Variants in RPS18 observed in about 807,000 individuals in gnomAD.
The protein encoded by RPS18 is small ribosomal subunit protein uS13.
For synonymous variants in RPS18, 64 were observed against 70.9 expected, an observed-to-expected ratio of 0.90 and a Z score of 0.49; for missense variants, 49 against 200.8, an observed-to-expected ratio of 0.24 and a Z score of 4.57.
In RPS18 at chr6:33,276,222, G is replaced by A. The variant is rs769895967; in HGVS notation, c.338G>A (p.Arg113Gln). 5 of 1,614,020 alleles carry A rather than the reference G, an allele frequency of 3.1e-6. No homozygotes were observed. The highest frequency in any genetic ancestry group is 3.4e-6 in the Non-Finnish European group (4 of 1,180,038). The stretch of plus-strand genomic sequence containing the variant: ...AACAAGCTCCGTGAAGACCTGGAGC[G>A]ACTGAAGAAGATTCGGGCCCATAGA... ...LDNKLREDLE[R>Q]LKKIRAHRGL... The change falls in exon 5 of 6, where the codon CGA becomes CAA. Residue 113 changes from arginine to glutamine, a missense_variant. Coordinates refer to ENST00000439602, the MANE Select transcript of RPS18 (RefSeq NM_022551.3).
intron 2 of RPS18, among the ~76,000 whole-genome samples, chr6:33,274,812 G>A (rs1765517478): frequency 6.6e-6 from 1 of 152,066 alleles, no homozygotes; most frequent in South Asian, 2.1e-4. Context: ...TCCAAATAGG[G>A]CCACATTCTG....
Position 33,272,859 on chromosome 6 carries a change from A to T in RPS18, c.102+133A>T, listed in dbSNP as rs1765327128. 23 of 681,906 alleles carry T rather than the reference A, an allele frequency of 3.4e-5. No individual in the cohort carries two copies. In the South Asian group the frequency reaches 3.6e-4, roughly 11 times the overall value. 42.2% of individuals were successfully genotyped at this position (681,906 alleles called of 1,614,324 possible). A position where few individuals can be genotyped will look rare whatever the true frequency, so the allele number is the denominator to read the frequency against. On this transcript the variant is annotated intron_variant, in intron 2 of 5. Coordinates refer to ENST00000439602, the MANE Select transcript of RPS18 (RefSeq NM_022551.3). ...CTTGACTGCTGGATTAAGAAAAGAA[A>T]GTGGTTTAGGGAGAGACTGACCCCT... is the stretch of plus-strand genomic sequence containing the variant.
In RPS18 at chr6:33,276,430, C is replaced by T. The variant is rs1268976313; in HGVS notation, c.423C>T (p.Arg141=). 1 of 1,613,958 alleles carries T rather than the reference C, an allele frequency of 6.2e-7. No homozygotes were observed. The highest frequency in any genetic ancestry group is 8.5e-7 in the Non-Finnish European group (1 of 1,179,948). ...VRGQHTKTTG[R]RGRTVGVSKK... is the part of the protein sequence containing the mutation. ...GCCAGCACACCAAGACCACTGGCCG[C>T]CGTGGCCGCACCGTGGGTGTGTCCA... is the stretch of plus-strand genomic sequence containing the variant. Residue 141 remains arginine (R), a synonymous_variant, in exon 6 of 6, where the codon CGC becomes CGT. Transcript: ENST00000439602.
chr6:33,274,281 G>A (rs942778016), intron 2 of RPS18, among the ~76,000 whole-genome samples: 3 of 152,108 alleles, frequency 2.0e-5, no homozygotes, highest in African/African-American at 4.8e-5. Flanking sequence ...CTGCAGCCTC[G>A]ACCTCCAGGG....
intron 2 of RPS18, among the ~76,000 whole-genome samples, chr6:33,272,983 G>A (rs1342577495): frequency 6.6e-6 from 1 of 152,204 alleles, no homozygotes; most frequent in African/African-American, 2.4e-5. Context: ...AGGTATGGTT[G>A]CTCACCCGAA....
Position 33,272,114 on chromosome 6 carries a change from G to T in RPS18, c.-6G>T. The T allele has an allele frequency of 6.4e-7, 1 of 1,568,154 alleles. No homozygotes were observed. Among genetic ancestry groups the T allele is most frequent in the Non-Finnish European group, 8.6e-7 (1 of 1,156,376 alleles). ...AGGCCTACACGCCGCCGCTTGTGCTGCAGCCATGGTAAGACTGGAATCCGT... is the reference window on the plus strand; with the variant it reads ...AGGCCTACACGCCGCCGCTTGTGCTTCAGCCATGGTAAGACTGGAATCCGT... On this transcript the variant is annotated 5_prime_UTR_variant, in exon 1 of 6. Coordinates refer to ENST00000439602, the MANE Select transcript of RPS18 (RefSeq NM_022551.3).
chr6:33,276,097 GA>G, intron 4 of RPS18, 31 bp downstream of exon 4: 1 of 1,606,864 alleles, frequency 6.2e-7, no homozygotes, highest in Non-Finnish European at 8.5e-7. Context: ...AGGATTAGAG[GA>G]AGGGTGGAGG....
rs1202076232 is a variant in RPS18, at chr6:33,272,138, G to C, written c.3+16G>C. The C allele has an allele frequency of 6.4e-7, 1 of 1,562,242 alleles. No homozygotes were observed. The highest frequency in any genetic ancestry group is 1.4e-5 in the African/African-American group (1 of 73,618). ...TGCAGCCATGGTAAGACTGGAATCC[G>C]TGCCGTGATCCAGCGGCATCGCAGC... On this transcript the variant is annotated intron_variant, in intron 1 of 5. Transcript: ENST00000439602.
At position 33,276,190 on chromosome 6, in the gene RPS18, T is replaced by A; in HGVS notation, c.306T>A (p.Gly102=). The change falls in exon 5 of 6, where the codon GGT becomes GGA. Residue 102 remains glycine, a synonymous_variant. Coordinates refer to ENST00000439602, the MANE Select transcript of RPS18 (RefSeq NM_022551.3). ...TCTGAATCCAGGTCCTAGCCAATGG[T>A]CTGGACAACAAGCTCCGTGAAGACC... is the stretch of plus-strand genomic sequence containing the variant. The part of the protein sequence containing the change: ...DGKYSQVLAN[G]LDNKLREDLE... 6.2e-7 allele frequency: 1 copy of A among 1,613,970 alleles called. No individual in the cohort carries two copies. The highest frequency in any genetic ancestry group is 2.2e-5 in the East Asian group (1 of 44,878).
chr6:33,274,776 C>G (rs1327635092), intron 2 of RPS18, among the ~76,000 whole-genome samples: 1 of 152,068 alleles, frequency 6.6e-6, no homozygotes, highest in Non-Finnish European at 1.5e-5. Flanking sequence ...GTCATTTTAC[C>G]TAATTATTTC....
chr6:33,273,391 T>C (rs993209478), intron 2 of RPS18, among the ~76,000 whole-genome samples: 2 of 152,016 alleles, frequency 1.3e-5, no homozygotes, highest in African/African-American at 2.4e-5. Context: ...TCTTTTTTTT[T>C]CCCTTAAGTC....
Position 33,275,991 on chromosome 6 carries a change from G to A in RPS18, c.216G>A (p.Gln72=). 6.2e-7 allele frequency: 1 copy of A among 1,614,188 alleles called. No homozygotes were observed. The highest frequency in any genetic ancestry group is 8.5e-7 in the Non-Finnish European group (1 of 1,180,034). ...DEVERVITIM[Q]NPRQYKIPDW... is the part of the protein sequence containing the mutation. ...TGGAACGTGTGATCACCATTATGCA[G>A]AATCCACGCCAGTACAAGATCCCAG... The change falls in exon 4 of 6, where the codon CAG becomes CAA. Residue 72 remains glutamine, a synonymous_variant. Transcript: ENST00000439602.
Position 33,276,432 on chromosome 6 carries a change from G to A in RPS18, c.425G>A (p.Arg142His). ...CAGCACACCAAGACCACTGGCCGCC[G>A]TGGCCGCACCGTGGGTGTGTCCAAG... ...RGQHTKTTGRRGRTVGVSKKK is the reference protein window; with the variant it reads ...RGQHTKTTGRHGRTVGVSKKK Residue 142 changes from arginine (R) to histidine (H), a missense_variant, in exon 6 of 6, where the codon CGT becomes CAT. Physicochemically the swap from Arg to His is conservative, Grantham distance 29. Transcript: ENST00000439602. The A allele has an allele frequency of 2.5e-6, 4 of 1,613,976 alleles. No individual in the cohort carries two copies. Among genetic ancestry groups the A allele is most frequent in the Non-Finnish European group, 3.4e-6 (4 of 1,179,896 alleles).
chr6:33,272,273 T>C, intron 1 of RPS18, 151 bp downstream of exon 1: 1 of 894,330 alleles, frequency 1.1e-6, no homozygotes, highest in Non-Finnish European at 1.7e-6. Context: ...CACCAAAGAT[T>C]TCCAATTCCG....
Position 33,276,254 on chromosome 6 carries a change from C to T in RPS18, c.370C>T (p.Arg124Cys), listed in dbSNP as rs1765615677. The T allele has an allele frequency of 1.2e-6, 2 of 1,613,722 alleles. No individual in the cohort carries two copies. The highest frequency in any genetic ancestry group is 8.5e-7 in the Non-Finnish European group (1 of 1,179,794). ...LKKIRAHRGL[R>C]HFWGLRVRGQ... ...GAAGATTCGGGCCCATAGAGGGCTG[C>T]GTCACTTCTGGGGGTGAGTGGGGGG... Residue 124 changes from arginine (R) to cysteine (C), a missense_variant, in exon 5 of 6, where the codon CGT becomes TGT. Physicochemically the swap from Arg to Cys is radical, Grantham distance 180. Transcript: ENST00000439602.
intron 2 of RPS18, 28 bp from the exon 3 acceptor site, chr6:33,275,769 T>G (rs1400677286): frequency 6.9e-7 from 1 of 1,451,754 alleles, no homozygotes; most frequent in South Asian, 1.1e-5. Context: ...GATTCAACAC[T>G]AATTCCGAAA....
Position 33,276,498 on chromosome 6 carries a change from TA to T in RPS18, c.*33del. ...AGGCCTTGTCTGTTAATAAATAGTT[TA>T]TATACCTATGGCTTCCTGTCCTTTC... On this transcript the variant is annotated 3_prime_UTR_variant, in exon 6 of 6. Transcript: ENST00000439602. The T allele has an allele frequency of 1.3e-6, 2 of 1,489,938 alleles. No individual in the cohort carries two copies. The highest frequency in any genetic ancestry group is 4.5e-5 in the East Asian group (2 of 44,288). 92.3% of individuals were successfully genotyped at this position (1,489,938 alleles called of 1,614,324 possible).
intron 1 of RPS18, chr6:33,272,404 C>G (rs1169142912): frequency 2.6e-5 from 16 of 605,754 alleles, no homozygotes; most frequent in Non-Finnish European, 4.4e-5. Context: ...GACCTGCTTC[C>G]TCTCTCCAGA....
intron 2 of RPS18, among the ~76,000 whole-genome samples, chr6:33,273,898 T>G (rs77537293): frequency 6.6e-6 from 1 of 151,416 alleles, no homozygotes; most frequent in South Asian, 2.1e-4. Context: ...GTCATTTAAT[T>G]AATAAATTTG....
Sources: gnomAD v4.1 joint callset for allele counts (sites outside exome capture counted in the v4.1 genomes callset) on GRCh38, gnomAD v4.1.1 for gene constraint, MANE v1.5 for transcripts, NCBI Gene and HGNC (gene_info 2026-07-23, HGNC 2026-07-21) for gene names.